KYNU: variants seen among roughly 807,000 people sequenced by gnomAD.
The protein encoded by KYNU is L-kynurenine hydrolase.
Under a neutral mutation model 59.2 loss-of-function variants are expected in KYNU, and 54 were observed. That is an observed-to-expected ratio of 0.91 (90% CI 0.73 to 1.14). The LOEUF (loss-of-function observed/expected upper bound fraction) is 1.14, where lower values mean the gene tolerates loss of function less well. Among genes scored for constraint, KYNU ranks in the 50% most tolerant of loss-of-function variants. KYNU has a pLI of 0.00. For synonymous variants in KYNU, 177 were observed against 192.0 expected, an observed-to-expected ratio of 0.92 and a Z score of 0.65; for missense variants, 567 against 554.4, an observed-to-expected ratio of 1.02 and a Z score of -0.23.
intron 2 of KYNU, among the ~76,000 whole-genome samples, chr2:142,907,470 G>C (rs541192539): frequency 1.2e-4 from 19 of 152,372 alleles, no homozygotes; most frequent in African/African-American, 4.3e-4. Context: ...CAGATCCAGA[G>C]GGGTGGGAGT....
intron 4 of KYNU, among the ~76,000 whole-genome samples, chr2:142,946,927 C>T (rs569863308): frequency 1.3e-5 from 2 of 152,294 alleles, no homozygotes; most frequent in South Asian, 4.1e-4. Flanking sequence ...TAACTTGCTG[C>T]AGATTCTCCA....
At position 143,045,719 on chromosome 2, in the gene KYNU, C is replaced by G. The variant is rs1486712693; in HGVS notation, c.*3547C>G. 6.6e-6 allele frequency: 1 copy of G among 152,096 alleles called. No individual in the cohort carries two copies. Among genetic ancestry groups the G allele is most frequent in the Non-Finnish European group, 1.5e-5 (1 of 68,008 alleles). 9.4% of individuals were successfully genotyped at this position (152,096 alleles called of 1,614,324 possible). A position where few individuals can be genotyped will look rare whatever the true frequency, so the allele number is the denominator to read the frequency against. On this transcript the variant is annotated 3_prime_UTR_variant, in exon 14 of 14. Coordinates refer to ENST00000264170, the MANE Select transcript of KYNU (RefSeq NM_003937.3). ...CTCTCTATGTAACTCAGGCAGGTCT[C>G]AAACTCCTGGGCTCAAATGATCCTC...
At chr2:143,012,678 C>T (rs1208953885) in intron 10 of KYNU, among the ~76,000 whole-genome samples, 1 of 152,018 alleles carries the variant, frequency 6.6e-6, no homozygotes, top group East Asian at 1.9e-4. Context: ...AGATATCCAC[C>T]TTCATGCAGT....
chr2:143,039,409 T>G (rs1437930147), intron 12 of KYNU, among the ~76,000 whole-genome samples: 1 of 152,172 alleles, frequency 6.6e-6, no homozygotes, highest in East Asian at 1.9e-4. Context: ...AAAGTCTTCT[T>G]GATTATGATT....
intron 2 of KYNU, among the ~76,000 whole-genome samples, chr2:142,898,667 G>C (rs542349204): frequency 6.6e-6 from 1 of 152,236 alleles, no homozygotes; most frequent in African/African-American, 2.4e-5. Flanking sequence ...TAATCAGTGG[G>C]AATACTGACG....
chr2:142,914,973 A>C lies in KYNU; in HGVS notation c.170-3636A>C, dbSNP rs143665947. 4.7e-3 allele frequency among the ~76,000 whole-genome samples: 722 copies of C among 152,332 alleles called. 4 individuals are homozygous for C. The highest frequency in any genetic ancestry group is 0.014 in the Middle Eastern group (4 of 294). ...AGCCGGGGCTTTCCTGTTAGACAAG[A>C]AACATTTCTGGAGCTGCTTTAAAAG... On this transcript the variant is annotated intron_variant, in intron 2 of 13. Coordinates refer to ENST00000264170, the MANE Select transcript of KYNU (RefSeq NM_003937.3).
chr2:142,913,766 T>C (rs1430070018), intron 2 of KYNU, among the ~76,000 whole-genome samples: 1 of 152,222 alleles, frequency 6.6e-6, no homozygotes, highest in Non-Finnish European at 1.5e-5. Flanking sequence ...TCTGACTTGA[T>C]GATCTGTCTA....
intron 2 of KYNU, among the ~76,000 whole-genome samples, chr2:142,895,383 G>A (rs772400321): frequency 1.1e-4 from 16 of 152,104 alleles, no homozygotes; most frequent in Admixed American, 3.3e-4. Flanking sequence ...ATTATATACT[G>A]TATTTAGTCT....
chr2:142,968,795 C>T (rs1193164000), intron 8 of KYNU, among the ~76,000 whole-genome samples: 5 of 151,982 alleles, frequency 3.3e-5, no homozygotes, highest in African/African-American at 1.2e-4. Flanking sequence ...TGCCTGTAGT[C>T]CCAGCTACTC....
chr2:142,998,977 C>CCAGCCTGG (rs1389100226), intron 10 of KYNU, among the ~76,000 whole-genome samples: 1 of 145,894 alleles, frequency 6.9e-6, no homozygotes, highest in Non-Finnish European at 1.5e-5. Context: ...TCACTGCACT[C>CCAGCCTGG]CAGCCTGGCA....
intron 10 of KYNU, among the ~76,000 whole-genome samples, chr2:143,013,248 A>C (rs1168437792): frequency 1.3e-5 from 2 of 151,238 alleles, no homozygotes; most frequent in Non-Finnish European, 2.9e-5. Context: ...GGGCTAAATA[A>C]TATTTCTCTC....
chr2:142,973,859 A>G (rs912106565), intron 8 of KYNU, among the ~76,000 whole-genome samples: 62 of 152,214 alleles, frequency 4.1e-4, no homozygotes, highest in African/African-American at 1.3e-3. Flanking sequence ...ATCAGATGTG[A>G]CATAGAAATA....
intron 3 of KYNU, among the ~76,000 whole-genome samples, chr2:142,921,680 A>G (rs141938571): frequency 8.5e-5 from 13 of 152,264 alleles, no homozygotes; most frequent in African/African-American, 2.9e-4. Flanking sequence ...ATGGTGGTGC[A>G]TGCCTGTAGT....
Position 143,043,037 on chromosome 2 carries a change from CATT to C in KYNU, c.*868_*870del, listed in dbSNP as rs1687101448. The C allele has an allele frequency of 6.6e-6, 1 of 151,892 alleles. No homozygotes were observed. Among genetic ancestry groups the C allele is most frequent in the Admixed American group, 6.6e-5 (1 of 15,206 alleles). The allele number at this position is 151,892 out of a possible 1,614,324, so 9.4% of individuals were successfully genotyped here. On this transcript the variant is annotated 3_prime_UTR_variant, in exon 14 of 14. Transcript: ENST00000264170. ...TATCTCATAAGAAATGTTGGAAACT[CATT>C]ATATTGATTTCCTTACCCACTCATG...
At chr2:142,929,359 CAAAAA>C (rs5834929) in intron 4 of KYNU, among the ~76,000 whole-genome samples, 9 of 106,450 alleles carry the variant, frequency 8.5e-5, no homozygotes, top group Non-Finnish European at 1.6e-4. Context: ...TTGCCTTTCT[CAAAAA>C]AAAAAAAAAA....
In KYNU at chr2:143,027,295, T is replaced by G. The variant is rs529029895; in HGVS notation, c.903-2332T>G. Among the ~76,000 whole-genome samples, 22 of 152,366 alleles carry G rather than the reference T, an allele frequency of 1.4e-4. No individual in the cohort carries two copies. The South Asian group carries it at 4.3e-3, about 30-fold the overall frequency. On this transcript the variant is annotated intron_variant, in intron 10 of 13. Transcript: ENST00000264170. ...TCTTAAATTGTCCTCTAGAAAGATT[T>G]TATTACTTATTTATTATCATTATTC...
At chr2:142,920,926 A>G (rs1468271368) in intron 3 of KYNU, among the ~76,000 whole-genome samples, 1 of 151,810 alleles carries the variant, frequency 6.6e-6, no homozygotes, top group Non-Finnish European at 1.5e-5. Context: ...ATTATTTTTT[A>G]CCTCCCAAAT....
chr2:143,042,583 GATATATATATATATATATATATATAT>G lies in KYNU; in HGVS notation c.*434_*459del, dbSNP rs10528472. 29 of 136,538 alleles carry G rather than the reference GATATATATATATATATATATATATAT, an allele frequency of 2.1e-4. 1 individual carries two copies. Among genetic ancestry groups the G allele is most frequent in the African/African-American group, 6.1e-4 (20 of 32,966 alleles). The allele number at this position is 136,538 out of a possible 1,614,324, so 8.5% of individuals were successfully genotyped here. ...GAGTTTCTTTGAAGCATTGTAGTCT[GATATATATATATATATATATATATAT>G]ATATATATATATATATATATATGTG... On this transcript the variant is annotated 3_prime_UTR_variant, in exon 14 of 14. Transcript: ENST00000264170.
intron 4 of KYNU, among the ~76,000 whole-genome samples, chr2:142,939,427 C>T (rs921035826): frequency 8.6e-5 from 13 of 151,366 alleles, no homozygotes; most frequent in Non-Finnish European, 1.8e-4. Flanking sequence ...CATGGTGAAA[C>T]GCTGTCTCTA....
Sources: allele counts gnomAD v4.1 joint callset (sites outside exome capture counted in the v4.1 genomes callset), GRCh38; gene constraint gnomAD v4.1.1; transcripts MANE v1.5; gene names NCBI Gene and HGNC (gene_info 2026-07-23, HGNC 2026-07-21).